The following TMEM117 variants were observed in gnomAD, a reference collection of about 807,000 sequenced individuals.
TMEM117 encodes transmembrane protein 117.
A neutral mutation model predicts 52.4 loss-of-function variants in TMEM117; 27 were observed. The observed-to-expected ratio is 0.51, with a 90% CI of 0.38 to 0.71. The LOEUF is 0.71. Among genes scored for constraint, TMEM117 ranks in the 30% least tolerant of loss-of-function variants. The pLI is 0.00. For missense variants in TMEM117, 556 were observed against 630.5 expected, an observed-to-expected ratio of 0.88 and a Z score of 1.26; for synonymous variants, 215 against 206.3, an observed-to-expected ratio of 1.04 and a Z score of -0.36.
At chr12:43,914,765 G>T (rs1944572628) in intron 2 of TMEM117, among the ~76,000 whole-genome samples, 1 of 152,164 alleles carries the variant, frequency 6.6e-6, no homozygotes, top group African/African-American at 2.4e-5. Flanking sequence ...ATTTGGGTAT[G>T]TGGAAACTTT....
intron 3 of TMEM117, among the ~76,000 whole-genome samples, chr12:44,040,426 T>TA (rs1946778553): frequency 6.6e-6 from 1 of 152,170 alleles, no homozygotes; most frequent in Admixed American, 6.5e-5. Flanking sequence ...TATTTCCTTA[T>TA]ATAAGCTTTC....
chr12:43,829,164 T>C, the TMEM117 span, among the ~76,000 whole-genome samples: 1 of 152,208 alleles, frequency 6.6e-6, no homozygotes, highest in Non-Finnish European at 1.5e-5. Flanking sequence ...AAATTCTCCT[T>C]ATCCTTCAAT....
At chr12:44,118,012 C>T (rs546268364) in intron 3 of TMEM117, among the ~76,000 whole-genome samples, 50 of 151,550 alleles carry the variant, frequency 3.3e-4, no homozygotes, top group Non-Finnish European at 6.3e-4. Context: ...CTCATTTTAT[C>T]CTGATACACA....
At chr12:44,020,024 A>C (rs949863147) in intron 3 of TMEM117, among the ~76,000 whole-genome samples, 1 of 152,206 alleles carries the variant, frequency 6.6e-6, no homozygotes, top group South Asian at 2.1e-4. Flanking sequence ...TAGCATAGGG[A>C]ATGGTTTAGT....
In TMEM117 at chr12:43,844,501, T is replaced by C. The variant is rs1943166741; in HGVS notation, c.-28-123T>C. 4 of 851,370 alleles carry C rather than the reference T, an allele frequency of 4.7e-6. No individual in the cohort carries two copies. In the East Asian group the frequency reaches 1.0e-4, roughly 22 times the overall value. The allele number at this position is 851,370 out of a possible 1,614,324, so 52.7% of individuals were successfully genotyped here. ...CTCAGACTTGTCTTGGAGCCATGAG[T>C]AGGAACAGGTATCATCTTTTCCAAA... On this transcript the variant is annotated intron_variant, in intron 1 of 7. Coordinates refer to ENST00000266534, the MANE Select transcript of TMEM117 (RefSeq NM_032256.3).
chr12:44,241,296 G>C (rs1012979032), intron 5 of TMEM117, among the ~76,000 whole-genome samples: 1 of 151,606 alleles, frequency 6.6e-6, no homozygotes, highest in African/African-American at 2.4e-5. Flanking sequence ...CACATAAGAA[G>C]GGCTGACCAT....
intron 2 of TMEM117, among the ~76,000 whole-genome samples, chr12:43,865,706 A>C (rs1186649453): frequency 1.6e-4 from 24 of 150,892 alleles, no homozygotes; most frequent in African/African-American, 5.6e-4. Flanking sequence ...CAAAAAAAGA[A>C]AAAAAGAAAA....
intron 5 of TMEM117, among the ~76,000 whole-genome samples, chr12:44,292,551 C>T (rs1950717735): frequency 6.6e-6 from 1 of 151,700 alleles, no homozygotes; most frequent in African/African-American, 2.4e-5. Context: ...TAAAATTTAG[C>T]GTTTTATTTG....
chr12:44,114,330 C>T (rs1424122032), intron 3 of TMEM117, among the ~76,000 whole-genome samples: 2 of 151,990 alleles, frequency 1.3e-5, no homozygotes, highest in South Asian at 2.1e-4. Flanking sequence ...TAATGGCAAC[C>T]AAAAATGAGT....
At chr12:43,842,873 G>A (rs1429857542) in intron 1 of TMEM117, among the ~76,000 whole-genome samples, 1 of 152,208 alleles carries the variant, frequency 6.6e-6, no homozygotes, top group Non-Finnish European at 1.5e-5. Context: ...CTGGGACCTG[G>A]GCCTGCTCTC....
Position 44,021,259 on chromosome 12 carries a change from C to G in TMEM117, c.410+76917C>G, listed in dbSNP as rs1398476398. ...TATCTTTTCTGCTCCTCTTTCTCCT[C>G]CCATCCTCCACCCTCAAATAGAACC... On this transcript the variant is annotated intron_variant, in intron 3 of 7. Transcript: ENST00000266534. 3.3e-5 allele frequency among the ~76,000 whole-genome samples: 5 copies of G among 152,134 alleles called. No individual in the cohort carries two copies. In the East Asian group the frequency reaches 9.6e-4, roughly 29 times the overall value.
intron 2 of TMEM117, among the ~76,000 whole-genome samples, chr12:43,861,917 T>C (rs1342405993): frequency 1.3e-5 from 2 of 152,234 alleles, no homozygotes; most frequent in African/African-American, 4.8e-5. Flanking sequence ...TCTCATCATG[T>C]CTGACACGTG....
intron 3 of TMEM117, among the ~76,000 whole-genome samples, chr12:44,102,481 T>G (rs1487372516): frequency 6.6e-6 from 1 of 151,940 alleles, no homozygotes; most frequent in African/African-American, 2.4e-5. Flanking sequence ...TCCATCTCTC[T>G]AAATGCCTCT....
At chr12:44,184,945 C>T (rs1949256571) in intron 4 of TMEM117, among the ~76,000 whole-genome samples, 1 of 152,148 alleles carries the variant, frequency 6.6e-6, no homozygotes, top group Non-Finnish European at 1.5e-5. Flanking sequence ...GCTTGTACGC[C>T]TCCCTCTGCC....
chr12:43,947,240 C>T (rs972328171), intron 3 of TMEM117, among the ~76,000 whole-genome samples: 4 of 152,080 alleles, frequency 2.6e-5, no homozygotes, highest in Non-Finnish European at 5.9e-5. Context: ...AAAGCTGAGG[C>T]AGGAGGATTG....
chr12:44,228,588 C>A (rs747677711), intron 5 of TMEM117, among the ~76,000 whole-genome samples: 2 of 152,040 alleles, frequency 1.3e-5, no homozygotes, highest in African/African-American at 4.8e-5. Flanking sequence ...TCTGAAGAGA[C>A]CACTTCAAAT....
chr12:44,148,200 T>G (rs1003409932), intron 4 of TMEM117, among the ~76,000 whole-genome samples: 3 of 152,260 alleles, frequency 2.0e-5, no homozygotes, highest in Admixed American at 1.3e-4. Context: ...CAGTTGGCTT[T>G]ACTTTTATTT....
intron 3 of TMEM117, among the ~76,000 whole-genome samples, chr12:43,983,203 G>A (rs1253821319): frequency 6.6e-6 from 1 of 152,136 alleles, no homozygotes; most frequent in African/African-American, 2.4e-5. Flanking sequence ...CAAGTCTCTG[G>A]TAGGCTTTGC....
chr12:43,966,278 C>T (rs1945484109), intron 3 of TMEM117, among the ~76,000 whole-genome samples: 1 of 152,106 alleles, frequency 6.6e-6, no homozygotes, highest in Non-Finnish European at 1.5e-5. Context: ...AGAGGTGCTT[C>T]CTCTGTTCCA....
Sources: allele counts gnomAD v4.1 joint callset (sites outside exome capture counted in the v4.1 genomes callset), GRCh38; gene constraint gnomAD v4.1.1; transcripts MANE v1.5; gene names NCBI Gene and HGNC (gene_info 2026-07-23, HGNC 2026-07-21).